The following TMEM135 variants were observed in gnomAD, a reference collection of about 807,000 sequenced individuals.
The protein encoded by TMEM135 is peroxisomal membrane protein 52.
TMEM135 carries 30 observed loss-of-function variants against 60.3 expected under a neutral mutation model. That is an observed-to-expected ratio of 0.50 (90% CI 0.37 to 0.68). TMEM135 has a LOEUF of 0.68. Ranked by LOEUF, TMEM135 falls within the 30% of genes least tolerant of loss-of-function variation. The pLI, the probability that TMEM135 is intolerant of heterozygous loss-of-function variation, is 0.00. For missense variants in TMEM135, 468 were observed against 548.8 expected (o/e 0.85, Z 1.47); for synonymous variants, 190 against 186.7 (o/e 1.02, Z -0.14).
chr11:87,313,952 A>G (rs981602356), intron 11 of TMEM135, among the ~76,000 whole-genome samples: 66 of 151,884 alleles, frequency 4.3e-4, no homozygotes, highest in African/African-American at 1.5e-3. Context: ...TAAATAGATA[A>G]TTTATCAGGT....
intron 5 of TMEM135, among the ~76,000 whole-genome samples, chr11:87,230,294 C>G (rs2135366709): frequency 6.6e-6 from 1 of 152,008 alleles, no homozygotes; most frequent in Non-Finnish European, 1.5e-5. Context: ...TTTAGTATGA[C>G]TGATATTAAT....
intron 4 of TMEM135, among the ~76,000 whole-genome samples, chr11:87,134,595 C>T (rs1017415801): frequency 1.3e-5 from 2 of 152,206 alleles, no homozygotes; most frequent in Non-Finnish European, 2.9e-5. Flanking sequence ...GATCCTTTCA[C>T]CTCAGACTCC....
intron 4 of TMEM135, among the ~76,000 whole-genome samples, chr11:87,105,486 C>T (rs1042392262): frequency 2.0e-5 from 3 of 152,084 alleles, no homozygotes; most frequent in South Asian, 2.1e-4. Context: ...TTCACGAATC[C>T]GTTTTCTGGT....
At chr11:87,172,738 G>C (rs1939272370) in intron 5 of TMEM135, among the ~76,000 whole-genome samples, 1 of 151,862 alleles carries the variant, frequency 6.6e-6, no homozygotes, top group Admixed American at 6.6e-5. Flanking sequence ...TTTAAGATAA[G>C]TATATCTTTA....
rs148428513 is a variant in TMEM135 at position 87,318,763 on chromosome 11, G to A, written c.1176+528G>A. On this transcript the variant is annotated intron_variant, in intron 13 of 14. Coordinates refer to ENST00000305494, the MANE Select transcript of TMEM135 (RefSeq NM_022918.4). ...TTTTATTTGCTCTTTCTCATAAAAT[G>A]CTGCCAGCTTGAAAAACTCATTAAA... is the stretch of plus-strand genomic sequence containing the variant. Among the ~76,000 whole-genome samples, 73 of 151,892 alleles carry A rather than the reference G, an allele frequency of 4.8e-4. No homozygotes were observed. In the East Asian group the frequency reaches 0.011, roughly 23 times the overall value.
chr11:87,043,923 C>A (rs1425117364), intron 1 of TMEM135, among the ~76,000 whole-genome samples: 7 of 152,088 alleles, frequency 4.6e-5, no homozygotes, highest in African/African-American at 7.3e-5. Flanking sequence ...ATGGTTCTAA[C>A]ACTAAGACCT....
At position 87,323,407 on chromosome 11, in the gene TMEM135, C is replaced by G. The variant is rs1410729434; in HGVS notation, c.*2074C>G. ...CAAAGTGTAGTTGTTTGAGCAAACA[C>G]AAAGAAACTTTGTGTTTTTGAAGAC... On this transcript the variant is annotated 3_prime_UTR_variant, in exon 15 of 15. Transcript: ENST00000305494. 4.4e-6 allele frequency: 2 copies of G among 453,940 alleles called. No individual in the cohort carries two copies. The highest frequency in any genetic ancestry group is 8.8e-6 in the Non-Finnish European group (2 of 226,720). The allele number at this position is 453,940 out of a possible 1,614,324, so 28.1% of individuals were successfully genotyped here.
At chr11:87,211,439 TGAA>T (rs1033271574) in intron 5 of TMEM135, among the ~76,000 whole-genome samples, 1 of 152,164 alleles carries the variant, frequency 6.6e-6, no homozygotes, top group African/African-American at 2.4e-5. Context: ...AAAAGTATAT[TGAA>T]GAGAATCAGG....
intron 3 of TMEM135, among the ~76,000 whole-genome samples, chr11:87,072,219 A>C (rs759245959): frequency 4.6e-5 from 7 of 152,082 alleles, no homozygotes; most frequent in Admixed American, 1.3e-4. Context: ...TAAACAAACA[A>C]ATTATAATCA....
chr11:87,313,054 A>G (rs1942668306), intron 10 of TMEM135, among the ~76,000 whole-genome samples: 1 of 151,708 alleles, frequency 6.6e-6, no homozygotes, highest in Non-Finnish European at 1.5e-5. Flanking sequence ...TTTAAGAAAT[A>G]TTTTCTCTGG....
intron 5 of TMEM135, among the ~76,000 whole-genome samples, chr11:87,174,478 A>C (rs891847076): frequency 1.3e-5 from 2 of 152,136 alleles, no homozygotes; most frequent in African/African-American, 4.8e-5. Flanking sequence ...AATCTATTAG[A>C]ATATAGCCTA....
chr11:87,189,083 C>T (rs1374218892), intron 5 of TMEM135, among the ~76,000 whole-genome samples: 1 of 144,618 alleles, frequency 6.9e-6, no homozygotes, highest in Non-Finnish European at 1.6e-5. Context: ...CCTTTCCTTT[C>T]TTTCCTTCCT....
At chr11:87,255,400 G>T (rs963747117) in intron 6 of TMEM135, among the ~76,000 whole-genome samples, 1 of 152,130 alleles carries the variant, frequency 6.6e-6, no homozygotes, top group Non-Finnish European at 1.5e-5. Flanking sequence ...GCCAAACAAG[G>T]TATCCAATTT....
rs1480730686 is a variant in TMEM135 at position 87,323,169 on chromosome 11, T to C, written c.*1836T>C. 1 of 454,058 alleles carries C rather than the reference T, an allele frequency of 2.2e-6. No homozygotes were observed. Among genetic ancestry groups the C allele is most frequent in the Non-Finnish European group, 4.4e-6 (1 of 226,706 alleles). The allele number at this position is 454,058 out of a possible 1,614,324, so 28.1% of individuals were successfully genotyped here. On this transcript the variant is annotated 3_prime_UTR_variant, in exon 15 of 15. Transcript: ENST00000305494. ...GATGAATTACGAAATTTGCTGAGAT[T>C]GTTTAGTAAAATTTTGCTGGTCAAA...
intron 1 of TMEM135, among the ~76,000 whole-genome samples, chr11:87,059,463 G>A (rs1949925592): frequency 6.6e-6 from 1 of 151,982 alleles, no homozygotes; most frequent in Non-Finnish European, 1.5e-5. Context: ...TTACAGGCGT[G>A]TGCTACCACG....
intron 6 of TMEM135, among the ~76,000 whole-genome samples, chr11:87,252,441 A>G (rs1437543280): frequency 6.6e-6 from 1 of 152,238 alleles, no homozygotes; most frequent in Admixed American, 6.5e-5. Flanking sequence ...CTTTCTAAAT[A>G]CATGGTCTTT....
chr11:87,279,550 C>T (rs1391300271), intron 6 of TMEM135, among the ~76,000 whole-genome samples: 2 of 152,206 alleles, frequency 1.3e-5, no homozygotes, highest in Non-Finnish European at 1.5e-5. Flanking sequence ...GAAACAGGCT[C>T]AGAATGTAAA....
intron 6 of TMEM135, among the ~76,000 whole-genome samples, chr11:87,249,154 T>C (rs569181943): frequency 6.6e-6 from 1 of 152,310 alleles, no homozygotes; most frequent in South Asian, 2.1e-4. Flanking sequence ...AAAGTGGGCA[T>C]CCCTGTTGTG....
rs1415465836 is a variant in TMEM135, at chr11:87,326,936, A to G, written c.*5603A>G. 4.5e-6 allele frequency: 2 copies of G among 439,606 alleles called. No homozygotes were observed. The highest frequency in any genetic ancestry group is 9.0e-6 in the Non-Finnish European group (2 of 222,698). 27.2% of individuals were successfully genotyped at this position (439,606 alleles called of 1,614,324 possible). A position where few individuals can be genotyped will look rare whatever the true frequency, so the allele number is the denominator to read the frequency against. On this transcript the variant is annotated 3_prime_UTR_variant, in exon 15 of 15. Coordinates refer to ENST00000305494, the MANE Select transcript of TMEM135 (RefSeq NM_022918.4). ...CTTTTTTTTTTTTTTTTTTTCACTAAAACGCTTCCTATAACTTGGATTAAA... is the reference window on the plus strand; with the variant it reads ...CTTTTTTTTTTTTTTTTTTTCACTAGAACGCTTCCTATAACTTGGATTAAA...
Sources: gnomAD v4.1 joint callset for allele counts (sites outside exome capture counted in the v4.1 genomes callset) on GRCh38, gnomAD v4.1.1 for gene constraint, MANE v1.5 for transcripts, NCBI Gene and HGNC (gene_info 2026-07-23, HGNC 2026-07-21) for gene names.